Variants in SCOC observed in about 807,000 individuals in gnomAD.
SCOC encodes the protein short coiled coil protein.
Under a neutral mutation model 9.9 loss-of-function variants are expected in SCOC, and 7 were observed. That is an observed-to-expected ratio of 0.71 (90% CI 0.40 to 1.33). SCOC has a LOEUF of 1.33. Ranked by LOEUF, SCOC falls within the 40% of genes most tolerant of loss-of-function variation. The pLI, the probability that SCOC is intolerant of heterozygous loss-of-function variation, is 0.01. For missense variants in SCOC, 66 were observed against 89.7 expected, an observed-to-expected ratio of 0.74 and a Z score of 1.07; for synonymous variants, 19 against 28.2, an observed-to-expected ratio of 0.67 and a Z score of 1.03.
chr4:140,345,658 A>G (rs951310047), intron 2 of SCOC, among the ~76,000 whole-genome samples: 14 of 152,228 alleles, frequency 9.2e-5, no homozygotes, highest in African/African-American at 3.4e-4. Flanking sequence ...AGGTATGCTT[A>G]TATTAAAAGA....
intron 1 of SCOC, among the ~76,000 whole-genome samples, chr4:140,301,720 C>T (rs17005700): frequency 0.017 from 2,582 of 152,348 alleles, 45 homozygotes; most frequent in South Asian, 0.085. Context: ...GCTGAACGTG[C>T]ATGTACTCAA....
chr4:140,369,483 A>G (rs1727947548), upstream of SCOC: 1 of 260,898 alleles, frequency 3.8e-6, no homozygotes, highest in South Asian at 3.3e-5. Flanking sequence ...GTTATCAAAA[A>G]TGCTTCCATT....
At chr4:140,282,889 G>C (rs570835966) in intron 1 of SCOC, among the ~76,000 whole-genome samples, 69 of 152,220 alleles carry the variant, frequency 4.5e-4, no homozygotes, top group Non-Finnish European at 8.8e-4. Context: ...TTCAGCAAAG[G>C]AAACAGTATA....
intron 2 of SCOC, chr4:140,366,195 T>G (rs1446049593): frequency 4.4e-6 from 3 of 683,146 alleles, no homozygotes; most frequent in South Asian, 6.3e-5. Flanking sequence ...TTTTTTTTTT[T>G]TTTTCCCAAA....
chr4:140,313,106 G>A (rs1732201751), intron 1 of SCOC, among the ~76,000 whole-genome samples: 1 of 152,168 alleles, frequency 6.6e-6, no homozygotes, highest in African/African-American at 2.4e-5. Flanking sequence ...CTCTCGCTAA[G>A]TCAGTCCTCC....
At chr4:140,267,955 C>T (rs528849820) in intron 1 of SCOC, among the ~76,000 whole-genome samples, 280 of 152,284 alleles carry the variant, frequency 1.8e-3, no homozygotes, top group South Asian at 6.6e-3. Flanking sequence ...TGCTAAGGAC[C>T]GGCCTGGGGA....
chr4:140,374,270 T>C (rs1327035864), intron 1 of SCOC: 1 of 424,474 alleles, frequency 2.4e-6, no homozygotes, highest in Admixed American at 2.7e-5. Flanking sequence ...TGAACAAGTT[T>C]TGGGAAGAAA....
chr4:140,313,734 A>G (rs1267537572), intron 1 of SCOC, among the ~76,000 whole-genome samples: 1 of 152,214 alleles, frequency 6.6e-6, no homozygotes. Flanking sequence ...CTAATACGCA[A>G]TGTAAAGCCA....
At chr4:140,332,060 C>T (rs1732829840) in intron 1 of SCOC, among the ~76,000 whole-genome samples, 1 of 152,024 alleles carries the variant, frequency 6.6e-6, no homozygotes, top group African/African-American at 2.4e-5. Flanking sequence ...GCCTAGATCT[C>T]TTGAAAACTC....
At chr4:140,318,816 A>G (rs1386089091) in intron 1 of SCOC, among the ~76,000 whole-genome samples, 5 of 151,998 alleles carry the variant, frequency 3.3e-5, no homozygotes, top group African/African-American at 1.2e-4. Flanking sequence ...AATAGCAAAG[A>G]CTTGGAACCA....
At chr4:140,310,065 A>G (rs1386385008) in intron 1 of SCOC, among the ~76,000 whole-genome samples, 2 of 152,222 alleles carry the variant, frequency 1.3e-5, no homozygotes, top group Non-Finnish European at 2.9e-5. Context: ...AAAGGCATCC[A>G]AAGGCATAGG....
At chr4:140,293,442 A>G in intron 1 of SCOC, 3 of 455,692 alleles carry the variant, frequency 6.6e-6, no homozygotes, top group Non-Finnish European at 1.3e-5. Flanking sequence ...ATAAGAGAGG[A>G]GCAGGAGTTG....
At position 140,280,532 on chromosome 4, in the gene SCOC, G is replaced by A. The variant is rs1438602990; in HGVS notation, c.-19+23122G>A. The stretch of plus-strand genomic sequence containing the variant: ...CTTTATGCTTCTCTCTCCCTTTAGT[G>A]CCTACCTGAGAGCCTGCTACAGAGC... On this transcript the variant is annotated intron_variant, in intron 1 of 4. Coordinates refer to the SCOC transcript ENST00000394205. Among the ~76,000 whole-genome samples, 3 of 152,090 alleles carry A rather than the reference G, an allele frequency of 2.0e-5. No individual in the cohort carries two copies. In the South Asian group the frequency reaches 6.2e-4, roughly 32 times the overall value.
chr4:140,339,894 G>A (rs1339315164), upstream of SCOC, among the ~76,000 whole-genome samples: 2 of 152,182 alleles, frequency 1.3e-5, no homozygotes, highest in African/African-American at 2.4e-5. Flanking sequence ...ACAGTGTGGC[G>A]ATTCCTCAGG....
At chr4:140,359,748 T>G (rs1578855721) in intron 2 of SCOC, among the ~76,000 whole-genome samples, 1 of 152,238 alleles carries the variant, frequency 6.6e-6, no homozygotes. Flanking sequence ...AAGATGCCCA[T>G]GCAGATATGA....
intron 1 of SCOC, chr4:140,343,588 G>A: frequency 1.4e-6 from 2 of 1,452,554 alleles, no homozygotes; most frequent in Non-Finnish European, 1.9e-6. Flanking sequence ...GACAACTGCT[G>A]CTTTTCTCTG....
chr4:140,276,855 C>T (rs971133740), intron 1 of SCOC, among the ~76,000 whole-genome samples: 5 of 152,104 alleles, frequency 3.3e-5, no homozygotes, highest in Non-Finnish European at 7.3e-5. Context: ...AAGTCTCACA[C>T]ACATATCAGG....
At chr4:140,320,451 T>A (rs1732469118) in intron 1 of SCOC, among the ~76,000 whole-genome samples, 1 of 152,176 alleles carries the variant, frequency 6.6e-6, no homozygotes, top group African/African-American at 2.4e-5. Flanking sequence ...CTGTATGGAC[T>A]TGCCCTAAAT....
upstream of SCOC, chr4:140,373,152 A>T (rs562220433): frequency 2.0e-6 from 1 of 492,604 alleles, no homozygotes; most frequent in East Asian, 1.3e-4. Context: ...AAAAATATGA[A>T]AAAGTCTGCT....
Sources: gnomAD v4.1 joint callset for allele counts (sites outside exome capture counted in the v4.1 genomes callset) on GRCh38, gnomAD v4.1.1 for gene constraint, MANE v1.5 for transcripts, NCBI Gene and HGNC (gene_info 2026-07-23, HGNC 2026-07-21) for gene names.